DMD: variants seen among roughly 807,000 people sequenced by gnomAD.
The protein encoded by DMD is dystrophin.
Under a neutral mutation model 330.1 loss-of-function variants are expected in DMD, and 63 were observed. That is an observed-to-expected ratio of 0.19 (90% CI 0.16 to 0.24). The LOEUF is 0.24. Ranked by LOEUF, DMD falls within the 10% of genes least tolerant of loss-of-function variation. The pLI, the probability that DMD is intolerant of heterozygous loss-of-function variation, is 1.00. For missense variants in DMD, 3,344 were observed against 2,684.1 expected (o/e 1.25, Z -5.43); for synonymous variants, 1,223 against 959.8 (o/e 1.27, Z -5.07).
intron 29 of DMD, among the ~76,000 whole-genome samples, chrX:32,431,667 T>C (rs937208858): frequency 8.9e-6 from 1 of 111,875 alleles, no homozygotes; most frequent in Non-Finnish European, 1.9e-5. Flanking sequence ...TTTTTAATTG[T>C]AGTTGTTTAA....
At position 31,344,041 on chromosome X, in the gene DMD, G is replaced by GGT. The variant is rs202086469; in HGVS notation, c.9163+4514_9163+4515insAC. Among the ~76,000 whole-genome samples the GGT allele has an allele frequency of 5.5e-3, 558 of 102,035 alleles. 9 individuals are homozygous for GGT. The highest frequency in any genetic ancestry group is 0.019 in the African/African-American group (543 of 27,936). 88.6% of individuals were successfully genotyped at this position (102,035 alleles called of 115,157 possible). On this transcript the variant is annotated intron_variant, in intron 61 of 78. Transcript: ENST00000357033. ...TCTGTCACACAGATTGGAGTGCGGG[G>GGT]GGGGGTGGATTATGGATCACTGCAG...
intron 7 of DMD, among the ~76,000 whole-genome samples, chrX:32,765,939 A>G (rs763305863): frequency 8.9e-6 from 1 of 111,945 alleles, no homozygotes; most frequent in East Asian, 2.8e-4. Flanking sequence ...TCAGTTTCTT[A>G]GCAACATTTG....
chrX:32,515,402 A>C (rs887184524), intron 18 of DMD, among the ~76,000 whole-genome samples: 7 of 111,228 alleles, frequency 6.3e-5, no homozygotes, highest in African/African-American at 2.3e-4. Context: ...GTTGATTCTG[A>C]AAGAGGGTAA....
At chrX:32,690,132 G>A (rs1048195977) in intron 9 of DMD, among the ~76,000 whole-genome samples, 1 of 109,245 alleles carries the variant, frequency 9.2e-6, no homozygotes, top group African/African-American at 3.3e-5. Context: ...ATTTGCAGAT[G>A]ACATAATCTT....
intron 1 of DMD, among the ~76,000 whole-genome samples, chrX:33,309,504 A>C (rs2053816707): frequency 9.0e-6 from 1 of 111,380 alleles, no homozygotes; most frequent in East Asian, 2.8e-4. Flanking sequence ...CAAATAAATA[A>C]ATAAAGAGCT....
chrX:31,763,753 T>C (rs946076438), intron 51 of DMD, among the ~76,000 whole-genome samples: 1 of 112,403 alleles, frequency 8.9e-6, no homozygotes, highest in Non-Finnish European at 1.9e-5. Flanking sequence ...GTCATTGGTA[T>C]GGTTAATAAT....
chrX:31,226,154 T>A (rs1026440903), intron 63 of DMD, among the ~76,000 whole-genome samples: 1 of 111,894 alleles, frequency 8.9e-6, no homozygotes, highest in Non-Finnish European at 1.9e-5. Context: ...CACCCAGATC[T>A]GTGAATCCGA....
chrX:31,272,862 C>T (rs778801937), intron 62 of DMD, among the ~76,000 whole-genome samples: 1 of 112,199 alleles, frequency 8.9e-6, no homozygotes, highest in East Asian at 2.8e-4. Context: ...TCCATAAATA[C>T]TCACATTTTC....
intron 55 of DMD, among the ~76,000 whole-genome samples, chrX:31,565,953 T>C (rs1285266881): frequency 1.8e-5 from 2 of 112,505 alleles, no homozygotes; most frequent in East Asian, 2.8e-4. Context: ...CATTTCCTAA[T>C]TGCATTGTTT....
chrX:32,122,707 A>C (rs752199029), intron 44 of DMD, among the ~76,000 whole-genome samples: 56 of 111,317 alleles, frequency 5.0e-4, no homozygotes, highest in Admixed American at 1.2e-3. Flanking sequence ...AATGTTTCTG[A>C]ATAAATAAAC....
At position 32,818,866 on chromosome X, in the gene DMD, T is replaced by C. The variant is rs755955991; in HGVS notation, c.358-2226A>G. ...GCAGAGTATAAACACTCAGCCATTTTAACCCCATTTGAGACAACTCTGAGG... is the reference window on the plus strand; with the variant it reads ...GCAGAGTATAAACACTCAGCCATTTCAACCCCATTTGAGACAACTCTGAGG... On this transcript the variant is annotated intron_variant, in intron 5 of 78. Coordinates refer to ENST00000357033, the MANE Select transcript of DMD (RefSeq NM_004006.3). Among the ~76,000 whole-genome samples, 250 of 111,009 alleles carry C rather than the reference T, an allele frequency of 2.3e-3. 1 individual carries two copies. The highest frequency in any genetic ancestry group is 7.8e-3 in the African/African-American group (239 of 30,518).
intron 60 of DMD, among the ~76,000 whole-genome samples, chrX:31,389,800 T>A (rs2060613232): frequency 8.9e-6 from 1 of 112,365 alleles, no homozygotes; most frequent in Non-Finnish European, 1.9e-5. Context: ...ACCATCTGTT[T>A]AGTTTAGTCT....
chrX:33,195,146 C>T (rs890897157), intron 1 of DMD, among the ~76,000 whole-genome samples: 2 of 111,386 alleles, frequency 1.8e-5, no homozygotes, highest in African/African-American at 6.5e-5. Flanking sequence ...GAAAGATTTC[C>T]AATCATTGTG....
At chrX:33,195,986 G>A (rs534671022) in intron 1 of DMD, among the ~76,000 whole-genome samples, 1 of 111,496 alleles carries the variant, frequency 9.0e-6, no homozygotes, top group South Asian at 3.7e-4. Flanking sequence ...AAGCCGAGAA[G>A]CAAACTGACA....
intron 44 of DMD, among the ~76,000 whole-genome samples, chrX:31,999,901 T>C (rs1168352729): frequency 8.9e-6 from 1 of 112,122 alleles, no homozygotes; most frequent in African/African-American, 3.2e-5. Flanking sequence ...CCAAGTTACT[T>C]TTCAACTGGT....
chrX:31,713,459 G>A (rs1217098855), intron 52 of DMD, among the ~76,000 whole-genome samples: 2 of 111,351 alleles, frequency 1.8e-5, no homozygotes, highest in Admixed American at 9.6e-5. Flanking sequence ...CCAAGTTATT[G>A]TTGGTACACA....
chrX:31,837,753 T>G (rs956592037), intron 48 of DMD, among the ~76,000 whole-genome samples: 1 of 111,759 alleles, frequency 8.9e-6, no homozygotes, highest in African/African-American at 3.3e-5. Context: ...TCGTATACTG[T>G]GTTTGTACCT....
intron 9 of DMD, among the ~76,000 whole-genome samples, chrX:32,679,902 C>CTTTTATTTTTTTTTTTTTTTTTTTTT (rs2062257323): frequency 4.2e-5 from 1 of 23,580 alleles, no homozygotes; most frequent in African/African-American, 1.8e-4. Context: ...AATATTTGTA[C>CTTTTATTTTTTTTTTTTTTTTTTTTT]TTTTTTTTTT....
intron 2 of DMD, among the ~76,000 whole-genome samples, chrX:32,864,858 A>C (rs2149104540): frequency 8.9e-6 from 1 of 112,289 alleles, no homozygotes; most frequent in East Asian, 2.8e-4. Context: ...TAAGAAATAT[A>C]ATCCTTGAAG....
Sources: gnomAD v4.1 joint callset for allele counts (sites outside exome capture counted in the v4.1 genomes callset) on GRCh38, gnomAD v4.1.1 for gene constraint, MANE v1.5 for transcripts, NCBI Gene and HGNC (gene_info 2026-07-23, HGNC 2026-07-21) for gene names.